Variants in ASIP observed in about 807,000 individuals in gnomAD.
ASIP encodes the protein agouti-signaling protein.
A neutral mutation model predicts 10.3 loss-of-function variants in ASIP; 11 were observed. That is an observed-to-expected ratio of 1.07 (90% confidence interval 0.68 to 1.78). The LOEUF (loss-of-function observed/expected upper bound fraction) is 1.78. Among genes scored for constraint, ASIP ranks in the 40% most tolerant of loss-of-function variants. The pLI is 0.00. For missense variants in ASIP, 180 were observed against 169.2 expected (o/e 1.06, Z -0.35); for synonymous variants, 70 against 70.8 (o/e 0.99, Z 0.06).
At chr20:34,200,373 GTCCCTCAAATTGGCA>G (rs1250051741) in intron 1 of ASIP, among the ~76,000 whole-genome samples, 2 of 152,174 alleles carry the variant, frequency 1.3e-5, no homozygotes, top group Non-Finnish European at 2.9e-5. Flanking sequence ...TTTATCTCTA[GTCCCTCAAATTGGCA>G]TCCCTCAAAT....
At chr20:34,267,855 AG>A (rs1007545753) in intron 3 of ASIP, among the ~76,000 whole-genome samples, 4 of 151,014 alleles carry the variant, frequency 2.6e-5, no homozygotes, top group South Asian at 2.1e-4. Context: ...AAAAAAAAAA[AG>A]GTGCAATTAA....
At position 34,253,191 on chromosome 20, in the gene ASIP, T is replaced by A. The variant is rs191323646; in HGVS notation, c.-10-7174T>A. 2.1e-3 allele frequency among the ~76,000 whole-genome samples: 317 copies of A among 151,742 alleles called. 3 individuals carry two copies. The highest frequency in any genetic ancestry group is 7.5e-3 in the African/African-American group (309 of 41,382). On this transcript the variant is annotated intron_variant, in intron 1 of 3. Coordinates refer to ENST00000374954, the MANE Select transcript of ASIP (RefSeq NM_001672.3). ...GGCTCACTCAGCTCACTGCAAGCTCTGCCTCTTGGGTTCACACCATTCTCC... is the reference window on the plus strand; with the variant it reads ...GGCTCACTCAGCTCACTGCAAGCTCAGCCTCTTGGGTTCACACCATTCTCC...
intron 1 of ASIP, among the ~76,000 whole-genome samples, chr20:34,223,114 C>T (rs1190558954): frequency 6.6e-6 from 1 of 151,634 alleles, no homozygotes; most frequent in African/African-American, 2.4e-5. Flanking sequence ...AGGAGCCCCT[C>T]TGCCTGGCTG....
At chr20:34,200,841 C>T (rs2034887421) in intron 1 of ASIP, among the ~76,000 whole-genome samples, 1 of 152,100 alleles carries the variant, frequency 6.6e-6, no homozygotes, top group African/African-American at 2.4e-5. Context: ...ATTTTCCCCC[C>T]TATGGTTTGT....
chr20:34,195,294 G>A (rs1211998872), intron 1 of ASIP, among the ~76,000 whole-genome samples: 1 of 152,120 alleles, frequency 6.6e-6, no homozygotes, highest in Non-Finnish European at 1.5e-5. Flanking sequence ...AACCCAGGGC[G>A]TAAATGGAAC....
At chr20:34,224,218 A>G (rs2035077239) in intron 1 of ASIP, among the ~76,000 whole-genome samples, 1 of 151,836 alleles carries the variant, frequency 6.6e-6, no homozygotes, top group East Asian at 1.9e-4. Flanking sequence ...TTATCAATAA[A>G]AAAATAAATT....
chr20:34,243,958 A>G (rs543058020), intron 1 of ASIP, among the ~76,000 whole-genome samples: 14 of 152,098 alleles, frequency 9.2e-5, no homozygotes, highest in African/African-American at 1.7e-4. Context: ...CCAGCTACTC[A>G]GGAGGCTGAG....
intron 1 of ASIP, among the ~76,000 whole-genome samples, chr20:34,209,971 G>T (rs1447570616): frequency 6.6e-6 from 1 of 152,118 alleles, no homozygotes; most frequent in African/African-American, 2.4e-5. Context: ...CCCTTTTGAG[G>T]CCCATAAGAG....
intron 1 of ASIP, among the ~76,000 whole-genome samples, chr20:34,258,487 T>C (rs1379076545): frequency 1.3e-5 from 2 of 149,688 alleles, no homozygotes; most frequent in African/African-American, 2.5e-5. Flanking sequence ...TAACAAATGA[T>C]AAGTAAATAA....
At chr20:34,252,186 A>G (rs1274755843) in intron 1 of ASIP, among the ~76,000 whole-genome samples, 1 of 152,216 alleles carries the variant, frequency 6.6e-6, no homozygotes, top group East Asian at 1.9e-4. Context: ...AAGAAATAAG[A>G]CACAGAGACA....
intron 1 of ASIP, among the ~76,000 whole-genome samples, chr20:34,198,776 G>T (rs1307969273): frequency 6.6e-6 from 1 of 152,160 alleles, no homozygotes; most frequent in African/African-American, 2.4e-5. Flanking sequence ...ACCATGCCTA[G>T]CCCCTTATTT....
intron 1 of ASIP, chr20:34,235,044 T>G (rs890624800): frequency 2.6e-5 from 4 of 152,150 alleles, no homozygotes; most frequent in African/African-American, 7.2e-5. Flanking sequence ...GAAATGAAAT[T>G]TAAAGTAAAA....
chr20:34,208,169 T>C (rs2034949845), intron 1 of ASIP, among the ~76,000 whole-genome samples: 1 of 152,212 alleles, frequency 6.6e-6, no homozygotes, highest in African/African-American at 2.4e-5. Flanking sequence ...TCTGTTTTTA[T>C]GCTAGTGCCA....
chr20:34,259,107 G>A (rs1340699639), intron 1 of ASIP, among the ~76,000 whole-genome samples: 1 of 151,630 alleles, frequency 6.6e-6, no homozygotes, highest in East Asian at 1.9e-4. Context: ...CTACTCAGGA[G>A]GATGAGGTGG....
intron 3 of ASIP, among the ~76,000 whole-genome samples, chr20:34,267,302 G>C (rs1344641277): frequency 6.6e-6 from 1 of 151,862 alleles, no homozygotes; most frequent in Non-Finnish European, 1.5e-5. Flanking sequence ...AGAGTGGTCT[G>C]GGAAGGCCTC....
intron 3 of ASIP, among the ~76,000 whole-genome samples, chr20:34,263,673 T>G (rs976005393): frequency 6.6e-6 from 1 of 151,622 alleles, no homozygotes; most frequent in Non-Finnish European, 1.5e-5. Context: ...TTTTTTTTTT[T>G]TCTTTTTTTT....
intron 1 of ASIP, among the ~76,000 whole-genome samples, chr20:34,202,618 T>C (rs1377831632): frequency 2.0e-5 from 3 of 152,090 alleles, no homozygotes; most frequent in African/African-American, 7.2e-5. Context: ...TTATTATTAA[T>C]CCATTGTCTA....
intron 1 of ASIP, among the ~76,000 whole-genome samples, chr20:34,249,358 C>CTTTAGA (rs2035436512): frequency 6.6e-6 from 1 of 151,696 alleles, no homozygotes; most frequent in Non-Finnish European, 1.5e-5. Flanking sequence ...ATGCCCAGAG[C>CTTTAGA]CCTGGTTAGA....
chr20:34,213,355 AAAACAGTC>A (rs1279028011), intron 1 of ASIP: 3 of 541,900 alleles, frequency 5.5e-6, no homozygotes, highest in Non-Finnish European at 9.7e-6. Flanking sequence ...ATAGCAGCAC[AAAACAGTC>A]TAAGACAGAA....
Sources: allele counts gnomAD v4.1 joint callset (sites outside exome capture counted in the v4.1 genomes callset), GRCh38; gene constraint gnomAD v4.1.1; transcripts MANE v1.5; gene names NCBI Gene and HGNC (gene_info 2026-07-23, HGNC 2026-07-21).